The following SH3GL2 variants were observed in gnomAD, a reference collection of about 807,000 sequenced individuals.
The protein encoded by SH3GL2 is SH3 domain containing GRB2 like 2, endophilin A1.
A neutral mutation model predicts 46.0 loss-of-function variants in SH3GL2; 24 were observed. The ratio of observed to expected loss-of-function variants is 0.52; its 90% confidence interval spans 0.38 to 0.73. The LOEUF (loss-of-function observed/expected upper bound fraction) is 0.73, where lower values mean the gene tolerates loss of function less well. Ranked by LOEUF, SH3GL2 falls within the 30% of genes least tolerant of loss-of-function variation. SH3GL2 has a pLI of 0.00. For synonymous variants in SH3GL2, 196 were observed against 147.1 expected (o/e 1.33, Z -2.40); for missense variants, 413 against 424.2 (o/e 0.97, Z 0.23).
At chr9:17,582,336 A>G (rs1818293217) in intron 1 of SH3GL2, among the ~76,000 whole-genome samples, 2 of 152,200 alleles carry the variant, frequency 1.3e-5, no homozygotes, top group East Asian at 3.8e-4. Context: ...ATAAAGATAT[A>G]ATTTACTGTA....
chr9:17,762,840 T>C (rs1042933322), intron 3 of SH3GL2, among the ~76,000 whole-genome samples: 5 of 152,190 alleles, frequency 3.3e-5, no homozygotes, highest in African/African-American at 1.2e-4. Flanking sequence ...TATTCCTTAC[T>C]GTTTAAACCA....
chr9:17,695,271 C>G (rs1171845137), intron 1 of SH3GL2, among the ~76,000 whole-genome samples: 3 of 152,088 alleles, frequency 2.0e-5, no homozygotes, highest in African/African-American at 7.2e-5. Context: ...ATCCCTTTAA[C>G]TTCTTAGGAT....
intron 1 of SH3GL2, among the ~76,000 whole-genome samples, chr9:17,640,305 ATTC>A (rs1195820975): frequency 1.3e-5 from 2 of 152,114 alleles, no homozygotes; most frequent in Non-Finnish European, 2.9e-5. Flanking sequence ...TTATATTCTT[ATTC>A]TTTCAGTAGT....
intron 1 of SH3GL2, among the ~76,000 whole-genome samples, chr9:17,606,635 T>C (rs1818766291): frequency 6.6e-6 from 1 of 152,202 alleles, no homozygotes; most frequent in South Asian, 2.1e-4. Flanking sequence ...TAAAAGTTTC[T>C]ACAGATTTAC....
Position 17,788,406 on chromosome 9 carries a change from G to C in SH3GL2, c.465+893G>C, listed in dbSNP as rs572983196. On this transcript the variant is annotated intron_variant, in intron 5 of 8. Coordinates refer to ENST00000380607, the MANE Select transcript of SH3GL2 (RefSeq NM_003026.5). Reference sequence around the variant, plus strand: ...GGGCGGGGGATGCAGTGTGAGGGAAGGTTTAGAATATTATTCTTCCTCCTT... The same window carrying C: ...GGGCGGGGGATGCAGTGTGAGGGAACGTTTAGAATATTATTCTTCCTCCTT... 8.2e-4 allele frequency among the ~76,000 whole-genome samples: 124 copies of C among 152,128 alleles called. 1 individual carries two copies. The highest frequency in any genetic ancestry group is 2.6e-3 in the African/African-American group (107 of 41,512).
chr9:17,762,045 T>C lies in SH3GL2; in HGVS notation c.187+536T>C, dbSNP rs181149628. On this transcript the variant is annotated intron_variant, in intron 3 of 8. Coordinates refer to ENST00000380607, the MANE Select transcript of SH3GL2 (RefSeq NM_003026.5). ...CTTGTTATACTCTAAGAAAAAGAAG[T>C]GGTAATAGAGATAACGGAGCTATAT... Among the ~76,000 whole-genome samples the C allele has an allele frequency of 1.0e-3, 156 of 152,120 alleles. 1 individual carries two copies. Among genetic ancestry groups the C allele is most frequent in the African/African-American group, 3.1e-3 (130 of 41,498 alleles).
intron 1 of SH3GL2, among the ~76,000 whole-genome samples, chr9:17,735,399 T>C (rs1417212723): frequency 1.3e-5 from 2 of 152,148 alleles, no homozygotes; most frequent in African/African-American, 4.8e-5. Flanking sequence ...AAATGCTCCC[T>C]ATATATTTGT....
At chr9:17,793,273 G>A (rs1470473031) in intron 7 of SH3GL2, 94 bp from the exon 8 acceptor site, 2 of 1,109,286 alleles carry the variant, frequency 1.8e-6, no homozygotes, top group East Asian at 5.0e-5. Flanking sequence ...AGCATGGTGG[G>A]TGACCCAAGC....
intron 2 of SH3GL2, among the ~76,000 whole-genome samples, chr9:17,758,484 C>T (rs1823068200): frequency 7.2e-6 from 1 of 138,476 alleles, no homozygotes; most frequent in Non-Finnish European, 1.5e-5. Flanking sequence ...ATCGCTTGAA[C>T]CTGGGAGGAG....
At chr9:17,670,564 G>C (rs570475343) in intron 1 of SH3GL2, among the ~76,000 whole-genome samples, 3 of 152,316 alleles carry the variant, frequency 2.0e-5, no homozygotes, top group African/African-American at 7.2e-5. Context: ...TATTATGCCA[G>C]TGATATGTCT....
intron 1 of SH3GL2, among the ~76,000 whole-genome samples, chr9:17,743,600 A>ACACACACACACACACACACC (rs1554645782): frequency 6.8e-5 from 10 of 146,162 alleles, no homozygotes; most frequent in African/African-American, 1.5e-4. Flanking sequence ...ACACACACAC[A>ACACACACACACACACACACC]CCCCAAATAG....
intron 1 of SH3GL2, among the ~76,000 whole-genome samples, chr9:17,628,912 C>T (rs146553733): frequency 2.7e-4 from 41 of 151,952 alleles, no homozygotes; most frequent in Admixed American, 2.0e-3. Flanking sequence ...GCACAGCATG[C>T]GGTGATACAT....
At chr9:17,664,890 C>T (rs542121678) in intron 1 of SH3GL2, among the ~76,000 whole-genome samples, 7 of 150,984 alleles carry the variant, frequency 4.6e-5, no homozygotes, top group Admixed American at 6.6e-5. Flanking sequence ...GGAATATTTA[C>T]GAAGAGTTTC....
intron 2 of SH3GL2, among the ~76,000 whole-genome samples, chr9:17,761,047 A>G (rs1474822894): frequency 6.6e-6 from 1 of 152,250 alleles, no homozygotes; most frequent in Non-Finnish European, 1.5e-5. Flanking sequence ...TTGAATAAGC[A>G]GAGTTGATGC....
chr9:17,581,800 G>A lies in SH3GL2; in HGVS notation c.45+2513G>A, dbSNP rs572434458. On this transcript the variant is annotated intron_variant, in intron 1 of 8. Transcript: ENST00000380607. ...TGCAACCTCTGCCTCCTGTGTTCAG[G>A]CGATTCTCCTGCCTCAGCCTCCTGA... Among the ~76,000 whole-genome samples the A allele has an allele frequency of 3.3e-5, 5 of 152,282 alleles. No homozygotes were observed. In the East Asian group the frequency reaches 9.6e-4, roughly 29 times the overall value.
chr9:17,696,371 A>T (rs1275730116), intron 1 of SH3GL2, among the ~76,000 whole-genome samples: 2 of 152,196 alleles, frequency 1.3e-5, no homozygotes, highest in African/African-American at 4.8e-5. Flanking sequence ...GTATTCCTGG[A>T]TGTATTACAG....
intron 1 of SH3GL2, among the ~76,000 whole-genome samples, chr9:17,746,735 A>T (rs1321986718): frequency 1.3e-5 from 2 of 152,204 alleles, no homozygotes; most frequent in Non-Finnish European, 2.9e-5. Context: ...TGATTATTGT[A>T]TGATGCTGTT....
At chr9:17,628,087 T>C (rs1588185961) in intron 1 of SH3GL2, among the ~76,000 whole-genome samples, 1 of 152,214 alleles carries the variant, frequency 6.6e-6, no homozygotes, top group East Asian at 1.9e-4. Flanking sequence ...ATTAAATATC[T>C]GAGACGTGAC....
In SH3GL2 at chr9:17,789,887, C is replaced by T. The variant is rs939743597; in HGVS notation, c.624+337C>T. ...AAAAAACAGAATGGTTGTAAGGGTA[C>T]TTGAGGTATGGTTTCTACTGAGCAC... On this transcript the variant is annotated intron_variant, in intron 6 of 8. Transcript: ENST00000380607. 6.5e-6 allele frequency: 3 copies of T among 461,458 alleles called. No homozygotes were observed. The East Asian group carries it at 4.7e-4, about 72-fold the overall frequency. The allele number at this position is 461,458 out of a possible 1,614,324, so 28.6% of individuals were successfully genotyped here.
Sources: gnomAD v4.1 joint callset for allele counts (sites outside exome capture counted in the v4.1 genomes callset) on GRCh38, gnomAD v4.1.1 for gene constraint, MANE v1.5 for transcripts, NCBI Gene and HGNC (gene_info 2026-07-23, HGNC 2026-07-21) for gene names.